SLC6A7: variants seen among roughly 807,000 people sequenced by gnomAD.
SLC6A7 encodes the protein sodium-dependent proline transporter.
In SLC6A7, 58 loss-of-function variants were observed where a neutral mutation model predicts 73.1. The ratio of observed to expected loss-of-function variants is 0.79; its 90% confidence interval spans 0.64 to 0.99. The LOEUF (loss-of-function observed/expected upper bound fraction) is 0.99. SLC6A7 is among the 50% of genes least tolerant of loss of function. The pLI is 0.00. For missense variants in SLC6A7, 783 were observed against 831.4 expected (o/e 0.94, Z 0.72); for synonymous variants, 338 against 338.7 (o/e 1.00, Z 0.02).
At position 150,207,507 on chromosome 5, in the gene SLC6A7, G is replaced by A. The variant is rs548166195; in HGVS notation, c.1701+1884G>A. On this transcript the variant is annotated intron_variant, in intron 13 of 13. Coordinates refer to ENST00000230671, the MANE Select transcript of SLC6A7 (RefSeq NM_014228.5). The stretch of plus-strand genomic sequence containing the variant: ...TCCGCGCACTTCGGCCTCCCAAAGT[G>A]CTGGGATTAAGTGTCTTTGTCTTTA... 2.0e-5 allele frequency among the ~76,000 whole-genome samples: 3 copies of A among 152,320 alleles called. No individual in the cohort carries two copies. In the South Asian group the frequency reaches 6.2e-4, roughly 32 times the overall value.
Position 150,199,338 on chromosome 5 carries a change from T to A in SLC6A7, c.695T>A (p.Ile232Asn), listed in dbSNP as rs1753251184. 1.2e-6 allele frequency: 2 copies of A among 1,613,924 alleles called. No individual in the cohort carries two copies. The highest frequency in any genetic ancestry group is 8.5e-7 in the Non-Finnish European group (1 of 1,179,916). The change falls in exon 5 of 14, where the codon ATC becomes AAC. Residue 232 changes from isoleucine to asparagine, a missense_variant. Physicochemically the swap from Ile to Asn is moderately radical, Grantham distance 149 (BLOSUM62 -3). Transcript: ENST00000230671. ...GCCTGGGTCATCGTGTTCCTCTGTA[T>A]CCTCAAGGGTGTGAAGTCTTCGGGC... ...LLAWVIVFLC[I>N]LKGVKSSGKV...
chr5:150,204,002 G>C lies in SLC6A7; in HGVS notation c.1296G>C (p.Val432=), dbSNP rs1249008140. 11 of 1,613,658 alleles carry C rather than the reference G, an allele frequency of 6.8e-6. No homozygotes were observed. The highest frequency in any genetic ancestry group is 9.3e-6 in the Non-Finnish European group (11 of 1,179,848). The change falls in exon 10 of 14, where the codon GTG becomes GTC. Residue 432 remains valine (V), a synonymous_variant. Transcript: ENST00000230671. ...KKAVFSGLIC[V]AMYLMGLILT... ...CGGTGTTCTCAGGGCTCATCTGCGT[G>C]GCCATGTACCTGATGGGGCTGATCC...
intron 11 of SLC6A7, 54 bp downstream of exon 11, chr5:150,204,685 G>A: frequency 2.1e-6 from 3 of 1,437,864 alleles, no homozygotes; most frequent in Non-Finnish European, 2.9e-6. Context: ...GAGAATGGGA[G>A]TCTACCCTGG....
rs1381268317 is a variant in SLC6A7, at chr5:150,197,125, T to G, written c.433T>G (p.Phe145Val). 1 of 1,614,138 alleles carries G rather than the reference T, an allele frequency of 6.2e-7. No individual in the cohort carries two copies. ...CATCGCCTACGTGCTCTTCTACCTC[T>G]TCGCCTCCCTCACCAGCGACCTACC... ...MIIAYVLFYL[F>V]ASLTSDLPWE... Residue 145 changes from phenylalanine (F) to valine (V), a missense_variant, in exon 4 of 14, where the codon TTC becomes GTC. Transcript: ENST00000230671.
intron 13 of SLC6A7, among the ~76,000 whole-genome samples, chr5:150,206,463 A>G (rs892815885): frequency 1.3e-5 from 2 of 152,182 alleles, no homozygotes; most frequent in African/African-American, 4.8e-5. Context: ...ACACCACAGA[A>G]AATGGCTACA....
Position 150,205,044 on chromosome 5 carries a change from G to A in SLC6A7, c.1533+117G>A, listed in dbSNP as rs912525613. On this transcript the variant is annotated intron_variant, in intron 12 of 13. Coordinates refer to ENST00000230671, the MANE Select transcript of SLC6A7 (RefSeq NM_014228.5). ...GGCCCGCAGTGGAGGGCTGTGGGGT[G>A]GCCACCAGAATCCTAGTCCATCCCC... The A allele has an allele frequency of 2.2e-5, 14 of 643,706 alleles. No individual in the cohort carries two copies. The African/African-American group carries it at 2.6e-4, about 12-fold the overall frequency. The allele number at this position is 643,706 out of a possible 1,614,324, so 39.9% of individuals were successfully genotyped here. A position where few individuals can be genotyped will look rare whatever the true frequency, so the allele number is the denominator to read the frequency against.
chr5:150,204,087 C>A (rs780678303), intron 10 of SLC6A7, 49 bp downstream of exon 10: 2 of 1,563,634 alleles, frequency 1.3e-6, no homozygotes. Context: ...CAAGGGCAGA[C>A]GCCTGCAACG....
intron 1 of SLC6A7, among the ~76,000 whole-genome samples, chr5:150,192,134 G>A (rs1752817333): frequency 6.6e-6 from 1 of 152,092 alleles, no homozygotes; most frequent in South Asian, 2.1e-4. Context: ...TTCCGCAAAG[G>A]AGCAGCATTG....
Position 150,204,901 on chromosome 5 carries a change from C to A in SLC6A7, c.1507C>A (p.Leu503Met). The A allele has an allele frequency of 8.1e-7, 1 of 1,234,338 alleles. No individual in the cohort carries two copies. The highest frequency in any genetic ancestry group is 1.1e-6 in the Non-Finnish European group (1 of 886,494). The allele number at this position is 1,234,338 out of a possible 1,614,324, so 76.5% of individuals were successfully genotyped here. Residue 503 changes from leucine to methionine, a missense_variant, in exon 12 of 14, where the codon CTG becomes ATG. Leu to Met is a conservative substitution (Grantham distance 15, BLOSUM62 2). Transcript: ENST00000230671. ...GGGCCTCTACTTCAGGGCCTGCTGG[C>A]TGTTCCTGTCCCCAGCCACGCTCTT... ...KPGLYFRACWLFLSPATLLAL... is the reference protein window; with the variant it reads ...KPGLYFRACWMFLSPATLLAL...
chr5:150,199,554 G>A (rs1753262153), intron 5 of SLC6A7, among the ~76,000 whole-genome samples, 188 bp downstream of exon 5: 1 of 152,174 alleles, frequency 6.6e-6, no homozygotes, highest in African/African-American at 2.4e-5. Context: ...ACGCACGGGG[G>A]CAAGGCTGCT....
In SLC6A7 at chr5:150,202,424, C is replaced by T. The variant is rs1164585591; in HGVS notation, c.936C>T (p.Tyr312=). The T allele has an allele frequency of 1.2e-6, 2 of 1,614,052 alleles. No homozygotes were observed. The highest frequency in any genetic ancestry group is 1.7e-5 in the Admixed American group (1 of 60,032). ...GFGGLLTFAS[Y]NTFHQNIYRD... ...GGGGGCTCCTCACCTTTGCCTCCTA[C>T]AACACGTTTCACCAGAACATCTATA... Residue 312 remains tyrosine, a synonymous_variant, in exon 7 of 14, where the codon TAC becomes TAT. Transcript: ENST00000230671.
intron 13 of SLC6A7, 31 bp downstream of exon 13, chr5:150,205,654 C>T (rs1318450312): frequency 1.3e-6 from 2 of 1,576,350 alleles, no homozygotes; most frequent in Admixed American, 1.7e-5. Context: ...CACTCTCAGC[C>T]TTCCTGACCT....
In SLC6A7 at chr5:150,197,292, G is replaced by A; in HGVS notation, c.584+16G>A. ...AGTACTGGAGGTCAGGCAGCTGCTGGCCCCGCGGCATCTGAGGGGACCCTG... is the reference window on the plus strand; with the variant it reads ...AGTACTGGAGGTCAGGCAGCTGCTGACCCCGCGGCATCTGAGGGGACCCTG... On this transcript the variant is annotated intron_variant, in intron 4 of 13. Coordinates refer to ENST00000230671, the MANE Select transcript of SLC6A7 (RefSeq NM_014228.5). 1.3e-6 allele frequency: 2 copies of A among 1,555,074 alleles called. No individual in the cohort carries two copies. Among genetic ancestry groups the A allele is most frequent in the Non-Finnish European group, 1.8e-6 (2 of 1,137,824 alleles).
intron 2 of SLC6A7, chr5:150,195,142 A>C (rs947591163): frequency 2.1e-6 from 1 of 485,244 alleles, no homozygotes; most frequent in Non-Finnish European, 3.7e-6. Context: ...GGATACCCAC[A>C]TGGTTCCCTC....
intron 5 of SLC6A7, 66 bp from the exon 6 acceptor site, chr5:150,201,023 G>A: frequency 6.4e-7 from 1 of 1,573,764 alleles, no homozygotes; most frequent in African/African-American, 1.4e-5. Context: ...ACACAGATGA[G>A]TTTACAAGGA....
At chr5:150,193,808 C>A (rs375938346) in intron 1 of SLC6A7, among the ~76,000 whole-genome samples, 2 of 152,138 alleles carry the variant, frequency 1.3e-5, no homozygotes, top group South Asian at 4.1e-4. Context: ...ATATGGTGCC[C>A]GGAACGGAGG....
chr5:150,196,642 G>A, intron 2 of SLC6A7, 74 bp from the exon 3 acceptor site: 1 of 1,467,320 alleles, frequency 6.8e-7, no homozygotes, highest in Non-Finnish European at 9.3e-7. Flanking sequence ...CAGGCCAGGG[G>A]AGGGGCGGGG....
At chr5:150,202,995 A>T (rs2113982687) in intron 8 of SLC6A7, among the ~76,000 whole-genome samples, 1 of 150,702 alleles carries the variant, frequency 6.6e-6, no homozygotes, top group East Asian at 2.0e-4. Flanking sequence ...AATCGCTTGA[A>T]CCCGGGAGGT....
Position 150,210,630 on chromosome 5 carries a change from G to C in SLC6A7, c.*1015G>C, listed in dbSNP as rs778314221. 1.3e-5 allele frequency: 2 copies of C among 152,396 alleles called. No homozygotes were observed. The highest frequency in any genetic ancestry group is 2.9e-5 in the Non-Finnish European group (2 of 68,074). The allele number at this position is 152,396 out of a possible 1,614,324, so 9.4% of individuals were successfully genotyped here. On this transcript the variant is annotated 3_prime_UTR_variant, in exon 14 of 14. Transcript: ENST00000230671. ...AGCTGGGGAGGTAGGAAGGGTCACT[G>C]TGAGGGCCCAGGGCCCCTCTCTTCC...
Sources: gnomAD v4.1 joint callset for allele counts (sites outside exome capture counted in the v4.1 genomes callset) on GRCh38, gnomAD v4.1.1 for gene constraint, MANE v1.5 for transcripts, NCBI Gene and HGNC (gene_info 2026-07-23, HGNC 2026-07-21) for gene names.